The following TMPRSS15 variants were observed in gnomAD, a reference collection of about 807,000 sequenced individuals.
TMPRSS15 encodes enteropeptidase.
In TMPRSS15, 128 loss-of-function variants were observed where a neutral mutation model predicts 125.3. The ratio of observed to expected loss-of-function variants is 1.02; its 90% CI spans 0.89 to 1.18. The LOEUF is 1.18. Ranked by LOEUF, TMPRSS15 falls within the 50% of genes most tolerant of loss-of-function variation. The probability of loss-of-function intolerance (pLI) is 0.00; values close to 1 mark genes in which losing one functional copy is unlikely to be tolerated. For missense variants in TMPRSS15, 1,283 were observed against 1,212.7 expected (o/e 1.06, Z -0.86); for synonymous variants, 446 against 423.2 (o/e 1.05, Z -0.66).
At chr21:18,449,879 A>ACACG (rs1555913051) in intron 1 of TMPRSS15, among the ~76,000 whole-genome samples, 88 of 5,224 alleles carry the variant, frequency 0.017, 1 homozygote, top group Admixed American at 0.13. Flanking sequence ...ACACACACGC[A>ACACG]CACACACACA....
At position 18,343,661 on chromosome 21, in the gene TMPRSS15, T is replaced by C. The variant is rs1332810944; in HGVS notation, c.1278-5A>G. On this transcript the variant is annotated splice_polypyrimidine_tract_variant and splice_region_variant and intron_variant, in intron 11 of 24. Coordinates refer to ENST00000284885, the MANE Select transcript of TMPRSS15 (RefSeq NM_002772.3). The stretch of plus-strand genomic sequence containing the variant: ...TTTTCACCATACATATGATACCTAG[T>C]TTGGAAAGAAGCAAAAATGTTTGGA... 6.2e-7 allele frequency: 1 copy of C among 1,613,278 alleles called. No individual in the cohort carries two copies. Among genetic ancestry groups the C allele is most frequent in the South Asian group, 1.1e-5 (1 of 91,028 alleles).
chr21:18,279,110 C>G (rs774809018), intron 22 of TMPRSS15, 51 bp from the exon 23 acceptor site: 2 of 954,030 alleles, frequency 2.1e-6, no homozygotes, highest in South Asian at 2.7e-5. Flanking sequence ...AAAGAAAGAA[C>G]AGATTTACAA....
At position 18,403,471 on chromosome 21, in the gene TMPRSS15, G is replaced by T. The variant is rs1439175605; in HGVS notation, c.145+7C>A. ...GCACCTTCACGAGCCAACTCCATGTGACTTACCTCGTTGGGATTCCTTGAT... is the reference window on the plus strand; with the variant it reads ...GCACCTTCACGAGCCAACTCCATGTTACTTACCTCGTTGGGATTCCTTGAT... On this transcript the variant is annotated splice_region_variant and intron_variant, in intron 1 of 24. Transcript: ENST00000284885. The T allele has an allele frequency of 8.7e-6, 14 of 1,613,916 alleles. No homozygotes were observed. Among genetic ancestry groups the T allele is most frequent in the Non-Finnish European group, 1.1e-5 (13 of 1,179,952 alleles).
At chr21:18,383,478 A>T in intron 4 of TMPRSS15, 149 bp downstream of exon 4, 1 of 897,558 alleles carries the variant, frequency 1.1e-6, no homozygotes, top group Non-Finnish European at 1.7e-6. Context: ...GTTTCTTCAG[A>T]TTTCACTTTT....
At chr21:18,448,761 T>G (rs1177349435) in intron 1 of TMPRSS15, among the ~76,000 whole-genome samples, 3 of 152,176 alleles carry the variant, frequency 2.0e-5, no homozygotes, top group Non-Finnish European at 4.4e-5. Flanking sequence ...TTGTAGTTGT[T>G]TCACATTTTT....
At chr21:18,343,835 G>T in intron 11 of TMPRSS15, 120 bp downstream of exon 11, 2 of 1,183,906 alleles carry the variant, frequency 1.7e-6, no homozygotes, top group Non-Finnish European at 2.5e-6. Flanking sequence ...GTTGGGAAAA[G>T]TAATAGTATA....
chr21:18,317,975 A>T (rs935679174), intron 16 of TMPRSS15, among the ~76,000 whole-genome samples: 2 of 151,688 alleles, frequency 1.3e-5, no homozygotes, highest in Non-Finnish European at 2.9e-5. Context: ...AAATAAATTC[A>T]TTTCACTACC....
chr21:18,297,732 AC>A lies in TMPRSS15; in HGVS notation c.2261+1del. 2 of 1,611,390 alleles carry A rather than the reference AC, an allele frequency of 1.2e-6. No homozygotes were observed. The highest frequency in any genetic ancestry group is 1.7e-6 in the Non-Finnish European group (2 of 1,177,536). On this transcript the variant is annotated splice_donor_variant, in intron 19 of 24. Transcript: ENST00000284885. LOFTEE classifies it high-confidence loss of function. ...AGTCTAAGAACAGATTTAGGGACCC[AC>A]CTGGGTGTTAGTATTAAGTGGCCAT...
At chr21:18,458,723 C>T (rs2123270254) in intron 1 of TMPRSS15, among the ~76,000 whole-genome samples, 1 of 152,262 alleles carries the variant, frequency 6.6e-6, no homozygotes, top group East Asian at 1.9e-4. Context: ...GTCTCCATAA[C>T]ACCCATAGAA....
intron 10 of TMPRSS15, among the ~76,000 whole-genome samples, 157 bp downstream of exon 10, chr21:18,352,746 G>C (rs1195335829): frequency 6.6e-6 from 1 of 151,844 alleles, no homozygotes; most frequent in Non-Finnish European, 1.5e-5. Flanking sequence ...TTGCCTGTTT[G>C]ATTACCATTT....
At chr21:18,369,967 CTT>C (rs2075775260) in intron 6 of TMPRSS15, among the ~76,000 whole-genome samples, 1 of 40,088 alleles carries the variant, frequency 2.5e-5, no homozygotes, top group Admixed American at 3.6e-4. Flanking sequence ...ATAATACTTA[CTT>C]AAACGAAAAA....
intron 23 of TMPRSS15, among the ~76,000 whole-genome samples, chr21:18,278,546 C>T (rs1601255099): frequency 6.6e-6 from 1 of 151,932 alleles, no homozygotes; most frequent in South Asian, 2.1e-4. Flanking sequence ...GGTGAAACCC[C>T]GTTTCTACTA....
intron 21 of TMPRSS15, among the ~76,000 whole-genome samples, chr21:18,283,017 A>G (rs1248346048): frequency 6.6e-6 from 1 of 152,162 alleles, no homozygotes; most frequent in African/African-American, 2.4e-5. Context: ...AGTGGCTTAG[A>G]GACTGGGCCA....
Position 18,297,766 on chromosome 21 carries a change from T to G in TMPRSS15, c.2229A>C (p.Thr743=). 1.2e-6 allele frequency: 2 copies of G among 1,613,876 alleles called. No homozygotes were observed. The highest frequency in any genetic ancestry group is 8.5e-7 in the Non-Finnish European group (1 of 1,179,796). ...TTAGTATTAAGTGGCCATCAGGTGC[T>G]GTGTTTAATTTGACAAATGGTCCAC... ...TDGGPFVKLN[T]APDGHLILTP... Residue 743 remains threonine (T), a synonymous_variant, in exon 19 of 25, where the codon ACA becomes ACC. Transcript: ENST00000284885.
intron 22 of TMPRSS15, among the ~76,000 whole-genome samples, chr21:18,280,115 T>C (rs1237213251): frequency 1.3e-5 from 2 of 152,130 alleles, no homozygotes; most frequent in Non-Finnish European, 2.9e-5. Flanking sequence ...GGCAGCACTT[T>C]CTCCTAACCG....
intron 18 of TMPRSS15, among the ~76,000 whole-genome samples, chr21:18,301,016 A>T (rs1362930144): frequency 3.9e-5 from 6 of 152,220 alleles, no homozygotes. Context: ...CAACATTTTT[A>T]GTCTCAAATT....
intron 1 of TMPRSS15, among the ~76,000 whole-genome samples, chr21:18,443,499 T>C (rs1161224478): frequency 6.6e-6 from 1 of 152,188 alleles, no homozygotes; most frequent in Non-Finnish European, 1.5e-5. Flanking sequence ...GTCTCCCCAC[T>C]GCACTTCTAG....
intron 19 of TMPRSS15, among the ~76,000 whole-genome samples, chr21:18,295,042 G>A (rs531995275): frequency 1.3e-3 from 204 of 152,238 alleles, no homozygotes; most frequent in Middle Eastern, 3.4e-3. Context: ...TACTTGAACC[G>A]ACATTGGTTT....
At chr21:18,430,836 G>T (rs745716370) in intron 1 of TMPRSS15, among the ~76,000 whole-genome samples, 5 of 152,128 alleles carry the variant, frequency 3.3e-5, no homozygotes, top group Admixed American at 6.5e-5. Flanking sequence ...TATCAAATGT[G>T]TAATAATGTA....
Sources: gnomAD v4.1 joint callset for allele counts (sites outside exome capture counted in the v4.1 genomes callset) on GRCh38, gnomAD v4.1.1 for gene constraint, MANE v1.5 for transcripts, NCBI Gene and HGNC (gene_info 2026-07-23, HGNC 2026-07-21) for gene names.